CD55: variants seen among roughly 807,000 people sequenced by gnomAD.
CD55 encodes the protein complement decay-accelerating factor.
Under a neutral mutation model 45.8 loss-of-function variants are expected in CD55, and 41 were observed. That is an observed-to-expected ratio of 0.90 (90% CI 0.70 to 1.16). CD55 has a LOEUF of 1.16. CD55 is among the 50% of genes most tolerant of loss of function. The probability of loss-of-function intolerance (pLI) is 0.00; values close to 1 mark genes in which losing one functional copy is unlikely to be tolerated. For synonymous variants in CD55, 181 were observed against 181.1 expected (o/e 1.00, Z 0.01); for missense variants, 416 against 469.8 (o/e 0.89, Z 1.06).
chr1:207,321,689 A>G lies in CD55; in HGVS notation c.-77A>G. 1.8e-6 allele frequency: 2 copies of G among 1,102,806 alleles called. No homozygotes were observed. Among genetic ancestry groups the G allele is most frequent in the Non-Finnish European group, 2.5e-6 (2 of 797,106 alleles). 68.3% of individuals were successfully genotyped at this position (1,102,806 alleles called of 1,614,324 possible). A position where few individuals can be genotyped will look rare whatever the true frequency, so the allele number is the denominator to read the frequency against. On this transcript the variant is annotated 5_prime_UTR_variant, in exon 1 of 10. Transcript: ENST00000367064. Reference sequence around the variant, plus strand: ...GAGCCACGAGGCTTCTGCTTACTGCAACTCGCTCCGGCCGCTGGGCGTAGC... The same window carrying G: ...GAGCCACGAGGCTTCTGCTTACTGCGACTCGCTCCGGCCGCTGGGCGTAGC...
At chr1:207,343,016 A>G (rs2661358) in intron 9 of CD55, among the ~76,000 whole-genome samples, 40,917 of 151,716 alleles carry the variant, frequency 0.27, 6,186 homozygotes, top group East Asian at 0.57. Context: ...GATATTTTGT[A>G]TTTCTGTGGT....
chr1:207,339,203 C>T (rs1437326229), intron 8 of CD55, among the ~76,000 whole-genome samples, 194 bp from the exon 9 acceptor site: 1 of 148,278 alleles, frequency 6.7e-6, no homozygotes, highest in East Asian at 2.0e-4. Flanking sequence ...CAGGTATAGA[C>T]AGTAATGTTT....
chr1:207,326,460 AT>A (rs1572871624), intron 4 of CD55, among the ~76,000 whole-genome samples: 1 of 152,170 alleles, frequency 6.6e-6, no homozygotes, highest in East Asian at 1.9e-4. Context: ...GAGGTATAAA[AT>A]GTTCAATCAT....
intron 5 of CD55, among the ~76,000 whole-genome samples, chr1:207,330,772 T>C (rs1170626565): frequency 6.6e-6 from 1 of 152,228 alleles, no homozygotes; most frequent in African/African-American, 2.4e-5. Flanking sequence ...ACTGCTTTCA[T>C]CTCTAAAATC....
At chr1:207,340,218 T>C (rs114870176) in intron 9 of CD55, among the ~76,000 whole-genome samples, 2,079 of 152,284 alleles carry the variant, frequency 0.014, 23 homozygotes, top group South Asian at 0.021. Context: ...GCATGTGATA[T>C]TTGTCTTTTT....
intron 9 of CD55, chr1:207,354,077 C>G: frequency 6.5e-7 from 1 of 1,534,062 alleles, no homozygotes; most frequent in Non-Finnish European, 8.7e-7. Flanking sequence ...TGTGCATCCT[C>G]TAGGTCACTC....
At chr1:207,327,569 A>G (rs1654742591) in intron 5 of CD55, among the ~76,000 whole-genome samples, 1 of 152,236 alleles carries the variant, frequency 6.6e-6, no homozygotes, top group Non-Finnish European at 1.5e-5. Flanking sequence ...TTTAAAATGT[A>G]GGCTTGCTTT....
chr1:207,359,758 C>A lies in CD55; in HGVS notation c.*148C>A. 1 of 1,086,062 alleles carries A rather than the reference C, an allele frequency of 9.2e-7. No homozygotes were observed. Among genetic ancestry groups the A allele is most frequent in the Non-Finnish European group, 1.2e-6 (1 of 813,556 alleles). 67.3% of individuals were successfully genotyped at this position (1,086,062 alleles called of 1,614,324 possible). ...CTTTAAGATGTGTTAGGAATGTCAA[C>A]AGAGCAAGGAGAAAAAAGGCAGTCC... On this transcript the variant is annotated 3_prime_UTR_variant, in exon 10 of 10. Coordinates refer to ENST00000367064, the MANE Select transcript of CD55 (RefSeq NM_000574.5).
chr1:207,357,546 G>A, intron 9 of CD55, among the ~76,000 whole-genome samples: 1 of 146,530 alleles, frequency 6.8e-6, no homozygotes, highest in East Asian at 2.1e-4. Context: ...CCCTGGATCG[G>A]TGGGAATGGA....
At chr1:207,322,766 T>A (rs559267159) in intron 2 of CD55, among the ~76,000 whole-genome samples, 199 bp downstream of exon 2, 1 of 152,354 alleles carries the variant, frequency 6.6e-6, no homozygotes, top group African/African-American at 2.4e-5. Flanking sequence ...ATTAAGAGTT[T>A]TTCTTCCTAA....
chr1:207,333,026 G>C (rs1229233313), intron 6 of CD55, among the ~76,000 whole-genome samples: 1 of 152,164 alleles, frequency 6.6e-6, no homozygotes, highest in South Asian at 2.1e-4. Context: ...TGGAAATTGA[G>C]GCCCTCAAAT....
At chr1:207,353,807 T>C (rs1177451908) in intron 9 of CD55, among the ~76,000 whole-genome samples, 1 of 152,220 alleles carries the variant, frequency 6.6e-6, no homozygotes, top group Non-Finnish European at 1.5e-5. Context: ...CAGAGTTGAA[T>C]CTGCATTTAC....
At chr1:207,341,410 TA>T (rs1655420107) in intron 9 of CD55, among the ~76,000 whole-genome samples, 1 of 152,120 alleles carries the variant, frequency 6.6e-6, no homozygotes, top group African/African-American at 2.4e-5. Context: ...ATCTTATGTT[TA>T]AGTTTTTAAT....
chr1:207,335,287 C>G (rs1655118910), intron 6 of CD55, among the ~76,000 whole-genome samples: 2 of 152,094 alleles, frequency 1.3e-5, no homozygotes, highest in Non-Finnish European at 2.9e-5. Flanking sequence ...ACATATGAGA[C>G]CATTGAATCT....
intron 9 of CD55, chr1:207,340,357 T>C (rs1243280799): frequency 8.8e-6 from 4 of 452,186 alleles, no homozygotes; most frequent in Non-Finnish European, 1.6e-5. Flanking sequence ...TTCTTTCTTT[T>C]CTTTTTTTTA....
At chr1:207,347,562 G>A (rs1264562784) in intron 9 of CD55, 1 of 223,732 alleles carries the variant, frequency 4.5e-6, no homozygotes, top group South Asian at 5.8e-5. Context: ...ACCTGGCCAG[G>A]TAAACACATT....
intron 9 of CD55, among the ~76,000 whole-genome samples, chr1:207,358,880 C>G (rs976251544): frequency 1.2e-4 from 19 of 152,136 alleles, no homozygotes; most frequent in African/African-American, 4.6e-4. Flanking sequence ...CGATTAGATG[C>G]TATAATGCCA....
At chr1:207,334,743 C>T (rs1655094890) in intron 6 of CD55, among the ~76,000 whole-genome samples, 1 of 76,358 alleles carries the variant, frequency 1.3e-5, no homozygotes, top group Non-Finnish European at 2.9e-5. Context: ...ATATTTAATC[C>T]AAAAGAGAAC....
intron 9 of CD55, among the ~76,000 whole-genome samples, chr1:207,348,378 T>C (rs1317232690): frequency 6.6e-6 from 1 of 152,200 alleles, no homozygotes; most frequent in South Asian, 2.1e-4. Context: ...TTTTGAGAAG[T>C]GTCTGTTTAT....
Sources: allele counts gnomAD v4.1 joint callset (sites outside exome capture counted in the v4.1 genomes callset), GRCh38; gene constraint gnomAD v4.1.1; transcripts MANE v1.5; gene names NCBI Gene and HGNC (gene_info 2026-07-23, HGNC 2026-07-21).